GOLM2: variants seen among roughly 807,000 people sequenced by gnomAD.
The protein encoded by GOLM2 is golgi membrane protein 2, also known as protein GOLM2.
GOLM2 carries 26 observed loss-of-function variants against 55.9 expected under a neutral mutation model. The observed-to-expected ratio is 0.47, with a 90% CI of 0.34 to 0.65. GOLM2 has a LOEUF of 0.65. GOLM2 is among the 30% of genes least tolerant of loss of function. The probability of loss-of-function intolerance (pLI) is 0.01; values close to 1 mark genes in which losing one functional copy is unlikely to be tolerated. For synonymous variants in GOLM2, 165 were observed against 194.6 expected (o/e 0.85, Z 1.27); for missense variants, 486 against 531.8 (o/e 0.91, Z 0.85).
intron 6 of GOLM2, chr15:44,345,813 G>GA (rs1468284807): frequency 6.6e-6 from 1 of 151,732 alleles, no homozygotes; most frequent in Non-Finnish European, 1.5e-5. Context: ...AACTTGGAAA[G>GA]AAAAAAATTA....
intron 8 of GOLM2, among the ~76,000 whole-genome samples, chr15:44,381,290 A>G (rs1261118213): frequency 1.3e-5 from 2 of 152,136 alleles, no homozygotes; most frequent in African/African-American, 4.8e-5. Flanking sequence ...ATATATTTTG[A>G]TAGGCTTACA....
In GOLM2 at chr15:44,378,307, G is replaced by A. The variant is rs569658476; in HGVS notation, c.803-1383G>A. Among the ~76,000 whole-genome samples, 110 of 151,038 alleles carry A rather than the reference G, an allele frequency of 7.3e-4. 2 individuals are homozygous for A. In the South Asian group the frequency reaches 0.022, roughly 30 times the overall value. Reference sequence around the variant, plus strand: ...CCTGACCTCGTGAGCCGCCCGCCTCGGCTGCCCAAAGTGCTGGAATTATAG... The same window carrying A: ...CCTGACCTCGTGAGCCGCCCGCCTCAGCTGCCCAAAGTGCTGGAATTATAG... On this transcript the variant is annotated intron_variant, in intron 6 of 9. Coordinates refer to ENST00000299957, the MANE Select transcript of GOLM2 (RefSeq NM_138423.4).
intron 1 of GOLM2, among the ~76,000 whole-genome samples, chr15:44,298,430 A>AT (rs1233048546): frequency 0.083 from 10,999 of 133,158 alleles, 496 homozygotes; most frequent in African/African-American, 0.11. Context: ...TGGCCGGCTA[A>AT]TTTTTTTTTT....
intron 8 of GOLM2, among the ~76,000 whole-genome samples, chr15:44,392,687 T>C (rs2141204752): frequency 6.6e-6 from 1 of 152,116 alleles, no homozygotes; most frequent in Non-Finnish European, 1.5e-5. Flanking sequence ...ATAAAAATTA[T>C]ATACATGATG....
At chr15:44,371,669 C>G (rs114723136) in intron 6 of GOLM2, among the ~76,000 whole-genome samples, 25 of 152,214 alleles carry the variant, frequency 1.6e-4, no homozygotes, top group African/African-American at 6.0e-4. Context: ...TTTTTATGGT[C>G]AATTGCTGAT....
At chr15:44,366,640 AAAAATT>A (rs2079287568) in intron 6 of GOLM2, among the ~76,000 whole-genome samples, 1 of 152,174 alleles carries the variant, frequency 6.6e-6, no homozygotes, top group South Asian at 2.1e-4. Context: ...TCTCAAAAAT[AAAAATT>A]AAAATTAAAG....
chr15:44,410,874 A>G lies in GOLM2; in HGVS notation c.1241-2462A>G, dbSNP rs181725920. 1.9e-4 allele frequency among the ~76,000 whole-genome samples: 28 copies of G among 146,920 alleles called. No individual in the cohort carries two copies. In the Middle Eastern group the frequency reaches 0.011, roughly 56 times the overall value. ...GCCGAGATTGTGCCACTGTACTCCA[A>G]CCTGAGTGATGGGACTGAGACCCTG... On this transcript the variant is annotated intron_variant, in intron 9 of 9. Transcript: ENST00000299957.
chr15:44,334,018 C>G (rs1478055823), intron 4 of GOLM2, among the ~76,000 whole-genome samples: 1 of 152,136 alleles, frequency 6.6e-6, no homozygotes, highest in Non-Finnish European at 1.5e-5. Flanking sequence ...CCCGGCCGCT[C>G]TCTTCTATTC....
rs2078961235 is a variant in GOLM2 at position 44,322,991 on chromosome 15, T to G, written c.354T>G (p.Tyr118Ter). Residue 118 changes from tyrosine to a stop codon, truncating the protein, a stop_gained, in exon 2 of 10, where the codon TAT becomes TAG. Coordinates refer to ENST00000299957, the MANE Select transcript of GOLM2 (RefSeq NM_138423.4). LOFTEE classifies it high-confidence loss of function. The part of the protein sequence containing the change: ...DKVKLQNNIS[Y>*]QMADIHHLKE... ...TTAAACTACAGAACAACATATCGTA[T>G]CAGATGGCAGACATACATCATTTAA... 6.3e-7 allele frequency: 1 copy of G among 1,579,542 alleles called. No individual in the cohort carries two copies. The highest frequency in any genetic ancestry group is 8.6e-7 in the Non-Finnish European group (1 of 1,166,794).
intron 8 of GOLM2, among the ~76,000 whole-genome samples, chr15:44,395,951 A>G (rs1226936638): frequency 6.6e-6 from 1 of 152,186 alleles, no homozygotes; most frequent in Admixed American, 6.5e-5. Flanking sequence ...ATAAGTGTTC[A>G]TTTATTTATA....
chr15:44,367,963 G>A (rs2079297561), intron 6 of GOLM2, among the ~76,000 whole-genome samples: 1 of 151,604 alleles, frequency 6.6e-6, no homozygotes, highest in Non-Finnish European at 1.5e-5. Flanking sequence ...CTTAGTATGG[G>A]GTTTTATTTT....
At chr15:44,318,255 TC>T (rs1351096634) in intron 1 of GOLM2, among the ~76,000 whole-genome samples, 1 of 152,224 alleles carries the variant, frequency 6.6e-6, no homozygotes, top group Non-Finnish European at 1.5e-5. Flanking sequence ...ATCCTTAGCT[TC>T]CTTCCCTACA....
chr15:44,301,114 T>C (rs1414516493), intron 1 of GOLM2, among the ~76,000 whole-genome samples: 2 of 152,324 alleles, frequency 1.3e-5, no homozygotes, highest in African/African-American at 2.4e-5. Context: ...TAGGGGAACA[T>C]TTTTTCTCAT....
chr15:44,303,187 C>T (rs1218634802), intron 1 of GOLM2, among the ~76,000 whole-genome samples: 4 of 151,998 alleles, frequency 2.6e-5, no homozygotes, highest in Admixed American at 1.3e-4. Flanking sequence ...TCATACTATT[C>T]CCTATGTCTG....
In GOLM2 at chr15:44,343,001, T is replaced by G. The variant is rs12440658; in HGVS notation, c.802+4684T>G. On this transcript the variant is annotated intron_variant, in intron 6 of 9. Coordinates refer to ENST00000299957, the MANE Select transcript of GOLM2 (RefSeq NM_138423.4). The stretch of plus-strand genomic sequence containing the variant: ...TTGTGAAATTTAAATGTAAAACACT[T>G]AGAACAGTGCCTGGCACATAGCAAG... 5.6e-3 allele frequency among the ~76,000 whole-genome samples: 854 copies of G among 152,278 alleles called. 20 individuals are homozygous for G. The highest frequency in any genetic ancestry group is 0.044 in the Admixed American group (674 of 15,292).
intron 6 of GOLM2, among the ~76,000 whole-genome samples, chr15:44,350,058 A>T (rs933037728): frequency 5.3e-5 from 8 of 152,186 alleles, no homozygotes; most frequent in Admixed American, 4.6e-4. Context: ...CTTCAAATAA[A>T]CAACCTAACA....
At chr15:44,391,137 T>C (rs1259291847) in intron 8 of GOLM2, among the ~76,000 whole-genome samples, 1 of 152,144 alleles carries the variant, frequency 6.6e-6, no homozygotes, top group African/African-American at 2.4e-5. Context: ...TAAAAGTTAA[T>C]GAGAGTTTAG....
chr15:44,328,597 A>T, intron 2 of GOLM2, 88 bp from the exon 3 acceptor site: 1 of 741,326 alleles, frequency 1.3e-6, no homozygotes, highest in Non-Finnish European at 2.2e-6. Context: ...AGAATTATGT[A>T]TAATTAAAAA....
chr15:44,355,352 G>T, intron 6 of GOLM2: 1 of 163,470 alleles, frequency 6.1e-6, no homozygotes, highest in South Asian at 1.5e-4. Flanking sequence ...GGACATCCCT[G>T]AGCTGAATGG....
Sources: gnomAD v4.1 joint callset for allele counts (sites outside exome capture counted in the v4.1 genomes callset) on GRCh38, gnomAD v4.1.1 for gene constraint, MANE v1.5 for transcripts, NCBI Gene and HGNC (gene_info 2026-07-23, HGNC 2026-07-21) for gene names.